Variants in CHD1 observed in about 807,000 individuals in gnomAD.
The protein encoded by CHD1 is ATP-dependent chromatin remodeler CHD1.
In CHD1, 36 loss-of-function variants were observed where a neutral mutation model predicts 224.2. The observed-to-expected ratio is 0.16, with a 90% CI of 0.12 to 0.21. CHD1 has a LOEUF of 0.21. Among genes scored for constraint, CHD1 ranks in the 10% least tolerant of loss-of-function variants. CHD1 has a pLI of 1.00. For synonymous variants in CHD1, 668 were observed against 658.3 expected, an observed-to-expected ratio of 1.01 and a Z score of -0.23; for missense variants, 1,378 against 1,994.8, an observed-to-expected ratio of 0.69 and a Z score of 5.89.
intron 11 of CHD1, 116 bp downstream of exon 11, chr5:98,897,077 T>G (rs1751391539): frequency 1.1e-6 from 1 of 900,580 alleles, no homozygotes; most frequent in Non-Finnish European, 1.7e-6. Flanking sequence ...ATACAAAGAC[T>G]AGCATATAAA....
At chr5:98,880,082 G>C (rs1185917024) in intron 22 of CHD1, among the ~76,000 whole-genome samples, 2 of 152,138 alleles carry the variant, frequency 1.3e-5, no homozygotes, top group African/African-American at 4.8e-5. Context: ...AAGTATTGTA[G>C]AACAATCTAA....
At chr5:98,898,811 T>C (rs771881423) in intron 8 of CHD1, 47 bp from the exon 9 acceptor site, 9 of 1,072,498 alleles carry the variant, frequency 8.4e-6, no homozygotes, top group Admixed American at 3.5e-5. Context: ...CTCCCATAAA[T>C]AACCTTTCAC....
At position 98,911,147 on chromosome 5, in the gene CHD1, ATATATATAT is replaced by A. The variant is rs1314845242; in HGVS notation, c.54-6058_54-6050del. On this transcript the variant is annotated intron_variant, in intron 2 of 35. Transcript: ENST00000614616. The stretch of plus-strand genomic sequence containing the variant: ...GCTAAAATGAAAAAAAAAAAAAAAA[ATATATATAT>A]ATATATATATATATATATATAGAGG... 1.6e-3 allele frequency among the ~76,000 whole-genome samples: 76 copies of A among 47,756 alleles called. 3 individuals carry two copies. The highest frequency in any genetic ancestry group is 0.014 in the Middle Eastern group (1 of 72). The allele number at this position is 47,756 out of a possible 152,430, so 31.3% of individuals were successfully genotyped here. A position where few individuals can be genotyped will look rare whatever the true frequency, so the allele number is the denominator to read the frequency against.
rs200865526 is a variant in CHD1 at position 98,870,744 on chromosome 5, G to A, written c.3921C>T (p.Asp1307=). 2.9e-4 allele frequency: 467 copies of A among 1,611,884 alleles called. No individual in the cohort carries two copies. The highest frequency in any genetic ancestry group is 2.0e-3 in the Middle Eastern group (12 of 6,048). Residue 1307 remains aspartate (D), a synonymous_variant, in exon 29 of 36, where the codon GAC becomes GAT. Coordinates refer to ENST00000614616, the MANE Select transcript of CHD1 (RefSeq NM_001270.4). ...CTCTACTAAGTAATTTGATGAGGTA[G>A]TCTGCACGGGTCTGCAACTGTTTTG... ...PQAKQLQTRA[D]YLIKLLSRDL...
chr5:98,864,069 G>T (rs1580356153), intron 31 of CHD1, among the ~76,000 whole-genome samples: 1 of 152,090 alleles, frequency 6.6e-6, no homozygotes, highest in South Asian at 2.1e-4. Flanking sequence ...ATAATGGCTT[G>T]CTCTTCATAT....
chr5:98,926,407 T>G lies in CHD1; in HGVS notation c.-21A>C. On this transcript the variant is annotated 5_prime_UTR_variant, in exon 2 of 36. Coordinates refer to ENST00000614616, the MANE Select transcript of CHD1 (RefSeq NM_001270.4). ...TTCATTGTAAATTATTATCAAGAAG[T>G]TTTAAAGTAAAATATAAATCTTCCC... 7.4e-7 allele frequency: 1 copy of G among 1,348,144 alleles called. No individual in the cohort carries two copies. Among genetic ancestry groups the G allele is most frequent in the Non-Finnish European group, 1.0e-6 (1 of 988,708 alleles). The allele number at this position is 1,348,144 out of a possible 1,614,324, so 83.5% of individuals were successfully genotyped here. A position where few individuals can be genotyped will look rare whatever the true frequency, so the allele number is the denominator to read the frequency against.
At position 98,897,177 on chromosome 5, in the gene CHD1, T is replaced by C. The variant is rs756106404; in HGVS notation, c.1493+16A>G. On this transcript the variant is annotated intron_variant, in intron 11 of 35. Coordinates refer to ENST00000614616, the MANE Select transcript of CHD1 (RefSeq NM_001270.4). ...TTACTCTGTCAAATTAAATAGATGA[T>C]TCAAAATATACTTACTTGCACCAAG... 8.1e-6 allele frequency: 13 copies of C among 1,603,890 alleles called. No homozygotes were observed. Among genetic ancestry groups the C allele is most frequent in the Non-Finnish European group, 1.0e-5 (12 of 1,175,696 alleles).
chr5:98,905,425 A>G (rs1751986406), intron 2 of CHD1, among the ~76,000 whole-genome samples: 2 of 152,238 alleles, frequency 1.3e-5, no homozygotes, highest in Admixed American at 1.3e-4. Context: ...CCTGGGTTAG[A>G]AACTTTGAGA....
At chr5:98,905,622 T>C (rs1751998912) in intron 2 of CHD1, among the ~76,000 whole-genome samples, 1 of 152,224 alleles carries the variant, frequency 6.6e-6, no homozygotes, top group African/African-American at 2.4e-5. Context: ...TAATTTATTA[T>C]AACCGAGCTA....
At chr5:98,922,841 T>C (rs1333914387) in intron 2 of CHD1, among the ~76,000 whole-genome samples, 1 of 152,010 alleles carries the variant, frequency 6.6e-6, no homozygotes, top group Non-Finnish European at 1.5e-5. Context: ...ATACAAAAAT[T>C]AGCTGGATGC....
rs1390526256 is a variant in CHD1, at chr5:98,893,569, A to G, written c.1838T>C (p.Val613Ala). ...ATTCTTTAATCGGTGTGCTTCATCAACACCTATAAATGCCCAATTTAGACC... is the reference window on the plus strand; with the variant it reads ...ATTCTTTAATCGGTGTGCTTCATCAGCACCTATAAATGCCCAATTTAGACC... ...LGGLNWAFIG[V>A]DEAHRLKNDD... The change falls in exon 14 of 36, where the codon GTT becomes GCT. Residue 613 changes from valine (V) to alanine (A), a missense_variant. Transcript: ENST00000614616. The G allele has an allele frequency of 6.2e-7, 1 of 1,608,628 alleles. No individual in the cohort carries two copies. The highest frequency in any genetic ancestry group is 8.5e-7 in the Non-Finnish European group (1 of 1,177,658).
At chr5:98,875,706 TAGA>T (rs1344689421) in intron 24 of CHD1, among the ~76,000 whole-genome samples, 8 of 152,276 alleles carry the variant, frequency 5.3e-5, no homozygotes, top group African/African-American at 1.9e-4. Context: ...AATTTTCTGG[TAGA>T]AAGAATAAGG....
In CHD1 at chr5:98,863,515, T is replaced by C; in HGVS notation, c.4320A>G (p.Glu1440=). Residue 1440 remains glutamate, a synonymous_variant, in exon 32 of 36, where the codon GAA becomes GAG. Transcript: ENST00000614616. ...GTCTAGTATGCTCTAGTTGTTCTCTTTCTGAAAGGCCTTTCTCAGGCCTAT... is the reference window on the plus strand; with the variant it reads ...GTCTAGTATGCTCTAGTTGTTCTCTCTCTGAAAGGCCTTTCTCAGGCCTAT... ...QLDRPEKGLS[E]REQLEHTRQC... is the part of the protein sequence containing the mutation. The C allele has an allele frequency of 5.0e-6, 8 of 1,610,958 alleles. No homozygotes were observed. Among genetic ancestry groups the C allele is most frequent in the Non-Finnish European group, 6.8e-6 (8 of 1,178,688 alleles).
chr5:98,898,597 CTT>C (rs1751493212), intron 9 of CHD1, 65 bp downstream of exon 9: 7 of 1,278,880 alleles, frequency 5.5e-6, no homozygotes, highest in Middle Eastern at 4.4e-4. Flanking sequence ...AAGTGGCAAA[CTT>C]ATGACTTTTT....
At chr5:98,898,146 T>C (rs980041790) in intron 10 of CHD1, 110 bp downstream of exon 10, 1 of 528,030 alleles carries the variant, frequency 1.9e-6, no homozygotes, top group Non-Finnish European at 2.9e-6. Context: ...CCAAGAAATA[T>C]TCTCCCTTAG....
At chr5:98,886,824 T>C (rs1021211579) in intron 17 of CHD1, among the ~76,000 whole-genome samples, 1 of 152,086 alleles carries the variant, frequency 6.6e-6, no homozygotes. Context: ...TGGCATGACC[T>C]AAACCAAATA....
intron 28 of CHD1, among the ~76,000 whole-genome samples, chr5:98,871,453 G>GT (rs1749338280): frequency 7.1e-6 from 1 of 140,604 alleles, no homozygotes; most frequent in African/African-American, 2.6e-5. Context: ...CAATGCCGAT[G>GT]TTTTTTAAAA....
Position 98,885,475 on chromosome 5 carries a change from T to C in CHD1, c.2568+103A>G, listed in dbSNP as rs1750586982. 5.1e-6 allele frequency: 4 copies of C among 782,016 alleles called. No individual in the cohort carries two copies. The South Asian group carries it at 6.9e-5, about 13-fold the overall frequency. 48.4% of individuals were successfully genotyped at this position (782,016 alleles called of 1,614,324 possible). On this transcript the variant is annotated intron_variant, in intron 18 of 35. Transcript: ENST00000614616. ...CAAAGGTGGCTAACACCACTCTTTT[T>C]TTATCAAACTAGATATGAAGATTAA...
intron 12 of CHD1, 140 bp from the exon 13 acceptor site, chr5:98,894,826 GT>G (rs375849435): frequency 0.032 from 10,678 of 337,202 alleles, 19 homozygotes; most frequent in Middle Eastern, 0.045. Context: ...AGTTTTTGTG[GT>G]TTTTTTTTTT....
Sources: gnomAD v4.1 joint callset for allele counts (sites outside exome capture counted in the v4.1 genomes callset) on GRCh38, gnomAD v4.1.1 for gene constraint, MANE v1.5 for transcripts, NCBI Gene and HGNC (gene_info 2026-07-23, HGNC 2026-07-21) for gene names.